Variants in SPOCK3 observed in about 807,000 individuals in gnomAD.
SPOCK3 encodes the protein testican-3.
Under a neutral mutation model 56.6 loss-of-function variants are expected in SPOCK3, and 30 were observed. The ratio of observed to expected loss-of-function variants is 0.53; its 90% CI spans 0.40 to 0.72. The LOEUF is 0.72. Among genes scored for constraint, SPOCK3 ranks in the 30% least tolerant of loss-of-function variants. SPOCK3 has a pLI of 0.00. For synonymous variants in SPOCK3, 196 were observed against 183.3 expected, an observed-to-expected ratio of 1.07 and a Z score of -0.56; for missense variants, 527 against 530.0, an observed-to-expected ratio of 0.99 and a Z score of 0.06.
intron 8 of SPOCK3, chr4:166,754,053 T>C (rs904640761): frequency 2.7e-5 from 25 of 925,878 alleles, no homozygotes; most frequent in Admixed American, 6.2e-5. Context: ...TAAAATCACA[T>C]GAGTAAAAAT....
chr4:166,785,836 C>A (rs182661416), intron 7 of SPOCK3, among the ~76,000 whole-genome samples: 127 of 152,256 alleles, frequency 8.3e-4, no homozygotes, highest in African/African-American at 3.0e-3. Flanking sequence ...ATTTATCACT[C>A]TTCTGAAGTT....
chr4:166,889,341 T>TA (rs1579548144), intron 5 of SPOCK3, 97 bp from the exon 6 acceptor site: 2 of 729,384 alleles, frequency 2.7e-6, no homozygotes, highest in East Asian at 5.3e-5. Context: ...TTGATGCATA[T>TA]AATTTGGAGA....
intron 2 of SPOCK3, among the ~76,000 whole-genome samples, chr4:167,194,670 T>C (rs1732770351): frequency 6.6e-6 from 1 of 152,184 alleles, no homozygotes; most frequent in African/African-American, 2.4e-5. Flanking sequence ...CAGGTCACAG[T>C]ATTGCTGCAT....
intron 9 of SPOCK3, among the ~76,000 whole-genome samples, chr4:166,739,730 A>T (rs992599261): frequency 1.3e-5 from 2 of 151,354 alleles, no homozygotes; most frequent in Admixed American, 1.3e-4. Flanking sequence ...GACCAGAAGC[A>T]TAATAGTTAT....
intron 3 of SPOCK3, among the ~76,000 whole-genome samples, chr4:167,008,590 GCTGA>G (rs763233350): frequency 1.3e-5 from 2 of 152,082 alleles, no homozygotes; most frequent in Non-Finnish European, 2.9e-5. Context: ...GTGCTTATAT[GCTGA>G]CTACTGTTTT....
intron 4 of SPOCK3, among the ~76,000 whole-genome samples, chr4:166,988,645 T>C (rs1159840142): frequency 1.3e-5 from 2 of 152,074 alleles, no homozygotes; most frequent in Admixed American, 6.5e-5. Context: ...CAACTAATAA[T>C]AGAATTCATA....
intron 2 of SPOCK3, among the ~76,000 whole-genome samples, chr4:167,140,143 T>A (rs1324722650): frequency 6.6e-6 from 1 of 152,082 alleles, no homozygotes; most frequent in Non-Finnish European, 1.5e-5. Context: ...ATCTTACCTT[T>A]GATTTCCTTC....
At chr4:167,066,531 A>G (rs1301825982) in intron 2 of SPOCK3, among the ~76,000 whole-genome samples, 1 of 151,942 alleles carries the variant, frequency 6.6e-6, no homozygotes, top group Non-Finnish European at 1.5e-5. Flanking sequence ...CTCCACAAAT[A>G]TAATATTGAA....
intron 2 of SPOCK3, among the ~76,000 whole-genome samples, chr4:167,078,653 A>G (rs1375599492): frequency 6.6e-6 from 1 of 151,756 alleles, no homozygotes; most frequent in African/African-American, 2.4e-5. Context: ...ATAATAACCC[A>G]TAATCACCCT....
intron 2 of SPOCK3, among the ~76,000 whole-genome samples, chr4:167,081,285 A>T (rs551924272): frequency 6.6e-6 from 1 of 152,150 alleles, no homozygotes; most frequent in South Asian, 2.1e-4. Flanking sequence ...GGCTTTGAAG[A>T]TATTACTACA....
At chr4:167,011,994 T>G (rs970407159) in intron 3 of SPOCK3, among the ~76,000 whole-genome samples, 4 of 152,030 alleles carry the variant, frequency 2.6e-5, no homozygotes, top group African/African-American at 9.6e-5. Flanking sequence ...CCATTCATTC[T>G]TTTAAAAATA....
intron 10 of SPOCK3, 139 bp downstream of exon 10, chr4:166,737,328 T>G (rs76604377): frequency 7.1e-6 from 6 of 845,340 alleles, no homozygotes; most frequent in African/African-American, 1.7e-5. Context: ...AAGTTTTTTT[T>G]GTCACTCCCT....
chr4:166,753,571 A>C (rs1736695502), intron 8 of SPOCK3, among the ~76,000 whole-genome samples: 1 of 152,056 alleles, frequency 6.6e-6, no homozygotes, highest in Non-Finnish European at 1.5e-5. Flanking sequence ...TAAATGTGGA[A>C]AAGTTATTGA....
chr4:167,168,728 G>C (rs1730224116), intron 2 of SPOCK3, among the ~76,000 whole-genome samples: 2 of 152,156 alleles, frequency 1.3e-5, no homozygotes, highest in African/African-American at 2.4e-5. Context: ...ATTTGCGTAA[G>C]TAACAAGGAG....
intron 2 of SPOCK3, among the ~76,000 whole-genome samples, chr4:167,116,176 G>T (rs577999938): frequency 1.1e-4 from 17 of 151,476 alleles, no homozygotes; most frequent in Non-Finnish European, 2.5e-4. Context: ...ATACCCAAGA[G>T]GTATCTGTAT....
intron 3 of SPOCK3, among the ~76,000 whole-genome samples, chr4:167,030,730 TG>T (rs1752195655): frequency 6.6e-6 from 1 of 152,092 alleles, no homozygotes; most frequent in South Asian, 2.1e-4. Context: ...ATATAGGACA[TG>T]GTTGCTGAAT....
In SPOCK3 at chr4:166,912,603, A is replaced by G. The variant is rs1737405124; in HGVS notation, c.474+17T>C. On this transcript the variant is annotated intron_variant, in intron 5 of 10. Transcript: ENST00000357545. Reference sequence around the variant, plus strand: ...TGCATCCCTTATTTCAAACTAAACAACTGTAGGTGTCTTTACCTGAAAAGA... The same window carrying G: ...TGCATCCCTTATTTCAAACTAAACAGCTGTAGGTGTCTTTACCTGAAAAGA... 1.2e-6 allele frequency: 2 copies of G among 1,612,906 alleles called. No individual in the cohort carries two copies. Among genetic ancestry groups the G allele is most frequent in the East Asian group, 2.2e-5 (1 of 44,796 alleles).
At chr4:166,762,374 T>C (rs1168839338) in intron 7 of SPOCK3, among the ~76,000 whole-genome samples, 4 of 152,082 alleles carry the variant, frequency 2.6e-5, no homozygotes, top group Non-Finnish European at 5.9e-5. Flanking sequence ...TGGTGTGAGA[T>C]TTCTGGTGTG....
At chr4:166,833,088 ATAT>A (rs1746252836) in intron 6 of SPOCK3, among the ~76,000 whole-genome samples, 1 of 152,184 alleles carries the variant, frequency 6.6e-6, no homozygotes, top group South Asian at 2.1e-4. Flanking sequence ...AAGCAAACAA[ATAT>A]TATATACGTG....
Sources: gnomAD v4.1 joint callset for allele counts (sites outside exome capture counted in the v4.1 genomes callset) on GRCh38, gnomAD v4.1.1 for gene constraint, MANE v1.5 for transcripts, NCBI Gene and HGNC (gene_info 2026-07-23, HGNC 2026-07-21) for gene names.